CBLN2: variants seen among roughly 807,000 people sequenced by gnomAD.
CBLN2 encodes cerebellin-2.
CBLN2 carries 7 observed loss-of-function variants against 15.0 expected under a neutral mutation model. That is an observed-to-expected ratio of 0.47 (90% CI 0.27 to 0.88). The LOEUF (loss-of-function observed/expected upper bound fraction) is 0.88. CBLN2 is among the 40% of genes least tolerant of loss of function. The pLI is 0.14. For missense variants in CBLN2, 242 were observed against 304.5 expected (o/e 0.79, Z 1.53); for synonymous variants, 149 against 135.2 (o/e 1.10, Z -0.71).
At chr18:72,624,184 A>G (rs1391019263) in intron 1 of CBLN2, among the ~76,000 whole-genome samples, 1 of 152,184 alleles carries the variant, frequency 6.6e-6, no homozygotes, top group Non-Finnish European at 1.5e-5. Flanking sequence ...ATGAGGGTTA[A>G]GAAATCCAAC....
intron 1 of CBLN2, among the ~76,000 whole-genome samples, chr18:72,628,746 T>A (rs2069756888): frequency 6.6e-6 from 1 of 152,252 alleles, no homozygotes; most frequent in Admixed American, 6.5e-5. Flanking sequence ...GTTTGATTTC[T>A]GAAGGCACTT....
intron 1 of CBLN2, among the ~76,000 whole-genome samples, chr18:72,605,393 G>A (rs2144947562): frequency 6.6e-6 from 1 of 152,150 alleles, no homozygotes; most frequent in East Asian, 1.9e-4. Flanking sequence ...TGCCAGGCAA[G>A]TTTAGAAACT....
At chr18:72,596,086 T>A (rs933597796) in intron 1 of CBLN2, among the ~76,000 whole-genome samples, 2 of 152,260 alleles carry the variant, frequency 1.3e-5, no homozygotes, top group Middle Eastern at 3.4e-3. Context: ...TTTTACTGGT[T>A]GTTTTGTGGT....
intron 1 of CBLN2, among the ~76,000 whole-genome samples, chr18:72,632,980 G>A (rs2069787049): frequency 6.6e-6 from 1 of 152,244 alleles, no homozygotes; most frequent in East Asian, 1.9e-4. Context: ...AATGCAATGT[G>A]ATTTTAAACA....
chr18:72,555,707 C>G (rs1568254138), intron 1 of CBLN2, among the ~76,000 whole-genome samples: 1 of 152,122 alleles, frequency 6.6e-6, no homozygotes, highest in Non-Finnish European at 1.5e-5. Flanking sequence ...GAAACTGGAA[C>G]TTAAGCAAAA....
rs12607161 is a variant in CBLN2 at position 72,587,279 on chromosome 18, T to C, written c.16-48507A>G. Reference sequence around the variant, plus strand: ...TCCTTATGGAATTTGAATACATGTATTGATTTGCTTTGCCATTAACTTAAT... The same window carrying C: ...TCCTTATGGAATTTGAATACATGTACTGATTTGCTTTGCCATTAACTTAAT... On this transcript the variant is annotated intron_variant, in intron 1 of 2. Transcript: ENST00000581073. Among the ~76,000 whole-genome samples, 4,065 of 152,168 alleles carry C rather than the reference T, an allele frequency of 0.027. 544 individuals are homozygous for C. The East Asian group carries it at 0.43, about 16-fold the overall frequency.
At chr18:72,580,739 T>G (rs1337286009) in intron 1 of CBLN2, among the ~76,000 whole-genome samples, 1 of 152,268 alleles carries the variant, frequency 6.6e-6, no homozygotes, top group Non-Finnish European at 1.5e-5. Flanking sequence ...ATGCTTCTGC[T>G]GATCAACATT....
chr18:72,600,153 A>G (rs1339574136), intron 1 of CBLN2, among the ~76,000 whole-genome samples: 1 of 152,208 alleles, frequency 6.6e-6, no homozygotes, highest in East Asian at 1.9e-4. Flanking sequence ...TAGTAATGTG[A>G]GTTGATCTTC....
intron 3 of CBLN2, 40 bp from the exon 4 acceptor site, chr18:72,538,812 C>T: frequency 1.9e-6 from 3 of 1,605,358 alleles, no homozygotes; most frequent in South Asian, 1.1e-5. Context: ...ATGGCAAGCC[C>T]CTCCTCGGTG....
intron 1 of CBLN2, among the ~76,000 whole-genome samples, chr18:72,566,212 T>C (rs1255385967): frequency 6.6e-6 from 1 of 152,138 alleles, no homozygotes; most frequent in Non-Finnish European, 1.5e-5. Flanking sequence ...TTGCACACTG[T>C]TGGTGGGAAT....
At chr18:72,632,691 A>G (rs1169435922) in intron 1 of CBLN2, among the ~76,000 whole-genome samples, 1 of 152,178 alleles carries the variant, frequency 6.6e-6, no homozygotes, top group Non-Finnish European at 1.5e-5. Context: ...AACTTAGCTC[A>G]GATGTCTCTT....
intron 1 of CBLN2, chr18:72,552,624 G>T (rs1184328299): frequency 1.3e-5 from 2 of 152,090 alleles, no homozygotes; most frequent in Non-Finnish European, 2.9e-5. Flanking sequence ...CACAAAAGAT[G>T]TTGAGATGCT....
At chr18:72,615,502 C>G (rs1030755172) in intron 1 of CBLN2, among the ~76,000 whole-genome samples, 1 of 151,768 alleles carries the variant, frequency 6.6e-6, no homozygotes, top group African/African-American at 2.4e-5. Context: ...TCTCAAAACT[C>G]TTGACCTCAT....
chr18:72,548,289 C>G (rs2051708877), upstream of CBLN2, among the ~76,000 whole-genome samples: 1 of 152,192 alleles, frequency 6.6e-6, no homozygotes, highest in South Asian at 2.1e-4. Context: ...AGAAATGTAA[C>G]TCAAATATTG....
rs77205117 is a variant in CBLN2 at position 72,611,413 on chromosome 18, T to C, written c.15+26912A>G. 9.0e-3 allele frequency among the ~76,000 whole-genome samples: 1,373 copies of C among 152,304 alleles called. 24 individuals are homozygous for C. The highest frequency in any genetic ancestry group is 0.031 in the African/African-American group (1,290 of 41,560). ...CAGCCTCACCAGCATGTACTTTTCT[T>C]TTTTTGACTTTCAATAATAGCCATC... is the stretch of plus-strand genomic sequence containing the variant. On this transcript the variant is annotated intron_variant, in intron 1 of 2. Transcript: ENST00000581073.
chr18:72,624,722 T>C (rs1373512963), intron 1 of CBLN2, among the ~76,000 whole-genome samples: 1 of 152,222 alleles, frequency 6.6e-6, no homozygotes, highest in Non-Finnish European at 1.5e-5. Context: ...AAATGCTTAA[T>C]TTTGCTGAGA....
intron 1 of CBLN2, among the ~76,000 whole-genome samples, chr18:72,585,818 A>G (rs2069439110): frequency 6.6e-6 from 1 of 152,196 alleles, no homozygotes; most frequent in African/African-American, 2.4e-5. Context: ...TCTCATGCCC[A>G]TTGGCACCCA....
intron 1 of CBLN2, among the ~76,000 whole-genome samples, chr18:72,637,281 C>A (rs374660840): frequency 6.7e-5 from 10 of 150,304 alleles, no homozygotes; most frequent in South Asian, 2.1e-4. Flanking sequence ...ACAGAACAAG[C>A]AAAAAAAAAA....
rs1219725994 is a variant in CBLN2, at chr18:72,587,230, A to T, written c.16-48458T>A. ...TCAAGATAAATAGAAAATACAAGAG[A>T]ATATGAAACCTTTTAAATCTAAGTC... On this transcript the variant is annotated intron_variant, in intron 1 of 2. Transcript: ENST00000581073. Among the ~76,000 whole-genome samples, 3 of 152,190 alleles carry T rather than the reference A, an allele frequency of 2.0e-5. No homozygotes were observed. The East Asian group carries it at 5.8e-4, about 29-fold the overall frequency.
Sources: gnomAD v4.1 joint callset for allele counts (sites outside exome capture counted in the v4.1 genomes callset) on GRCh38, gnomAD v4.1.1 for gene constraint, MANE v1.5 for transcripts, NCBI Gene and HGNC (gene_info 2026-07-23, HGNC 2026-07-21) for gene names.